FBXO34: variants seen among roughly 807,000 people sequenced by gnomAD.
FBXO34 encodes F-box only protein 34.
In FBXO34, 12 loss-of-function variants were observed where a neutral mutation model predicts 24.5. The observed-to-expected ratio is 0.49, with a 90% CI of 0.31 to 0.79. The LOEUF (loss-of-function observed/expected upper bound fraction) is 0.79. FBXO34 is among the 30% of genes least tolerant of loss of function. The pLI is 0.04. For synonymous variants in FBXO34, 320 were observed against 311.9 expected (o/e 1.03, Z -0.27); for missense variants, 823 against 857.7 (o/e 0.96, Z 0.51).
At chr14:55,421,019 C>G in the FBXO34 span, among the ~76,000 whole-genome samples, 2 of 142,364 alleles carry the variant, frequency 1.4e-5, no homozygotes, top group African/African-American at 2.6e-5. Flanking sequence ...CGAGATCGCA[C>G]CACTGCACTG....
chr14:55,407,330 C>T, the FBXO34 span, among the ~76,000 whole-genome samples: 2 of 152,168 alleles, frequency 1.3e-5, no homozygotes, highest in Non-Finnish European at 2.9e-5. Context: ...GAGGTTTCAC[C>T]ATGTTGGCCA....
At chr14:55,326,884 A>G (rs1356641449) in intron 1 of FBXO34, among the ~76,000 whole-genome samples, 2 of 152,196 alleles carry the variant, frequency 1.3e-5, no homozygotes, top group Non-Finnish European at 2.9e-5. Flanking sequence ...AACAGCTGGT[A>G]TAATTTTTAT....
chr14:55,426,559 G>A, the FBXO34 span, among the ~76,000 whole-genome samples: 1 of 152,058 alleles, frequency 6.6e-6, no homozygotes, highest in South Asian at 2.1e-4. Context: ...TCTTCTAAGA[G>A]GTGTTTTTAA....
At chr14:55,332,950 A>G (rs1356348913) in intron 1 of FBXO34, among the ~76,000 whole-genome samples, 2 of 152,214 alleles carry the variant, frequency 1.3e-5, no homozygotes, top group Non-Finnish European at 2.9e-5. Flanking sequence ...ATGCAGGTGA[A>G]TTTGGGAACA....
At chr14:55,280,788 AG>A (rs542689387) in intron 1 of FBXO34, among the ~76,000 whole-genome samples, 10 of 151,922 alleles carry the variant, frequency 6.6e-5, no homozygotes, top group Non-Finnish European at 1.2e-4. Flanking sequence ...AGCCTTCCGA[AG>A]TGCTGGGATT....
chr14:55,370,033 A>C, downstream of FBXO34: 3 of 1,062,068 alleles, frequency 2.8e-6, no homozygotes, highest in South Asian at 1.9e-5. Flanking sequence ...GACGCCGCAC[A>C]CCCCATTCAT....
chr14:55,346,478 T>C (rs1317689803), intron 1 of FBXO34, among the ~76,000 whole-genome samples: 1 of 152,188 alleles, frequency 6.6e-6, no homozygotes, highest in Non-Finnish European at 1.5e-5. Flanking sequence ...GATTTTGAGA[T>C]TCTTTTTGAT....
intron 1 of FBXO34, among the ~76,000 whole-genome samples, chr14:55,345,617 A>G (rs985287095): frequency 6.6e-6 from 1 of 152,004 alleles, no homozygotes; most frequent in Non-Finnish European, 1.5e-5. Context: ...ATTTGTTGTA[A>G]TTGTTTGCTT....
chr14:55,287,053 T>A (rs2139665892), intron 1 of FBXO34, among the ~76,000 whole-genome samples: 1 of 151,794 alleles, frequency 6.6e-6, no homozygotes, highest in South Asian at 2.1e-4. Context: ...GGATTACAGG[T>A]GTGCCATCAC....
chr14:55,282,600 G>C (rs1057021107), intron 1 of FBXO34: 3 of 168,572 alleles, frequency 1.8e-5, no homozygotes, highest in African/African-American at 4.7e-5. Flanking sequence ...GTTGAAGGCT[G>C]TGTTGTAGGA....
downstream of FBXO34, among the ~76,000 whole-genome samples, chr14:55,373,503 A>G (rs1034864142): frequency 6.6e-6 from 1 of 152,160 alleles, no homozygotes; most frequent in Non-Finnish European, 1.5e-5. Context: ...TCCGTTTCCC[A>G]GGCCAGAGTG....
the FBXO34 span, among the ~76,000 whole-genome samples, chr14:55,421,643 A>G: frequency 6.6e-6 from 1 of 152,022 alleles, no homozygotes; most frequent in Non-Finnish European, 1.5e-5. Flanking sequence ...TTGTATTTTC[A>G]GTAGAGATGG....
At chr14:55,418,416 T>C in the FBXO34 span, among the ~76,000 whole-genome samples, 1 of 152,248 alleles carries the variant, frequency 6.6e-6, no homozygotes, top group Non-Finnish European at 1.5e-5. Flanking sequence ...TAACTGCACA[T>C]ATTTTCCCGA....
At chr14:55,417,662 A>G in the FBXO34 span, among the ~76,000 whole-genome samples, 1 of 152,048 alleles carries the variant, frequency 6.6e-6, no homozygotes, top group African/African-American at 2.4e-5. Context: ...GGGTCTCGCT[A>G]TGTTGCCCAG....
rs1402954528 is a variant in FBXO34 at position 55,338,518 on chromosome 14, G to GT, written c.-10-11862dup. Reference sequence around the variant, plus strand: ...CTGGCACATAGTAAACATTGTAGAGGTATTAGAGCTGTTATTATTCTAGAA... The same window carrying GT: ...CTGGCACATAGTAAACATTGTAGAGGTTATTAGAGCTGTTATTATTCTAGAA... On this transcript the variant is annotated intron_variant, in intron 1 of 1. Coordinates refer to ENST00000313833, the MANE Select transcript of FBXO34 (RefSeq NM_017943.4). 2.0e-5 allele frequency among the ~76,000 whole-genome samples: 3 copies of GT among 152,184 alleles called. No individual in the cohort carries two copies. In the East Asian group the frequency reaches 5.8e-4, roughly 29 times the overall value.
intron 1 of FBXO34, among the ~76,000 whole-genome samples, chr14:55,288,767 A>C (rs1157342562): frequency 6.6e-6 from 1 of 152,144 alleles, no homozygotes; most frequent in South Asian, 2.1e-4. Flanking sequence ...AAAAATATAT[A>C]GGGCCGGGCA....
chr14:55,429,093 T>C, the FBXO34 span: 2 of 1,273,628 alleles, frequency 1.6e-6, no homozygotes, highest in Non-Finnish European at 2.1e-6. Context: ...ACTATGAAGC[T>C]GTAGGCTTTG....
chr14:55,362,227 CAGG>C (rs1295873915), downstream of FBXO34, among the ~76,000 whole-genome samples: 1 of 152,186 alleles, frequency 6.6e-6, no homozygotes, highest in Non-Finnish European at 1.5e-5. Flanking sequence ...AATGAGGGAA[CAGG>C]AGGTCAGTGT....
chr14:55,334,279 A>G (rs1883696436), intron 1 of FBXO34, among the ~76,000 whole-genome samples: 1 of 152,116 alleles, frequency 6.6e-6, no homozygotes, highest in Admixed American at 6.6e-5. Flanking sequence ...AGACTCATAA[A>G]CTTCCAGTTA....
Sources: gnomAD v4.1 joint callset for allele counts (sites outside exome capture counted in the v4.1 genomes callset) on GRCh38, gnomAD v4.1.1 for gene constraint, MANE v1.5 for transcripts, NCBI Gene and HGNC (gene_info 2026-07-23, HGNC 2026-07-21) for gene names.